AADAC: variants seen among roughly 807,000 people sequenced by gnomAD.
The protein encoded by AADAC is arylacetamide deacetylase (esterase).
Under a neutral mutation model 22.7 loss-of-function variants are expected in AADAC, and 17 were observed. The ratio of observed to expected loss-of-function variants is 0.75; its 90% confidence interval spans 0.51 to 1.12. The LOEUF is 1.12. Ranked by LOEUF, AADAC falls within the 50% of genes most tolerant of loss-of-function variation. The probability of loss-of-function intolerance (pLI) is 0.00; values close to 1 mark genes in which losing one functional copy is unlikely to be tolerated. For synonymous variants in AADAC, 167 were observed against 176.3 expected (o/e 0.95, Z 0.42); for missense variants, 465 against 473.9 (o/e 0.98, Z 0.17).
intron 1 of AADAC, among the ~76,000 whole-genome samples, chr3:151,815,471 A>G (rs1469121263): frequency 6.6e-6 from 1 of 152,012 alleles, no homozygotes; most frequent in African/African-American, 2.4e-5. Context: ...CACTGGTAGT[A>G]AGTTTTGATT....
intron 2 of AADAC, among the ~76,000 whole-genome samples, chr3:151,819,573 T>C (rs1168587350): frequency 2.6e-5 from 4 of 151,956 alleles, no homozygotes; most frequent in African/African-American, 7.2e-5. Context: ...TTCTTTTATT[T>C]TTGTGCAGGA....
chr3:151,825,902 G>A (rs1716472536), intron 4 of AADAC, among the ~76,000 whole-genome samples: 1 of 151,808 alleles, frequency 6.6e-6, no homozygotes, highest in Non-Finnish European at 1.5e-5. Flanking sequence ...TAATTCTTTG[G>A]ATAAATCATT....
In AADAC at chr3:151,828,260, C is replaced by G. The variant is rs1246527636; in HGVS notation, c.*88C>G. ...AGAAATTGGTCTTTCTTAGAATGGT[C>G]TAGTTAAGTTCCACATGTAGCATAA... On this transcript the variant is annotated 3_prime_UTR_variant, in exon 5 of 5. Coordinates refer to ENST00000232892, the MANE Select transcript of AADAC (RefSeq NM_001086.3). 1 of 756,400 alleles carries G rather than the reference C, an allele frequency of 1.3e-6. No individual in the cohort carries two copies. The allele number at this position is 756,400 out of a possible 1,614,324, so 46.9% of individuals were successfully genotyped here.
At chr3:151,823,057 A>T (rs919705611) in intron 3 of AADAC, among the ~76,000 whole-genome samples, 4 of 151,984 alleles carry the variant, frequency 2.6e-5, no homozygotes, top group African/African-American at 9.7e-5. Context: ...AGGCAGGTGG[A>T]TCATGAGATC....
At chr3:151,818,180 G>A (rs1440580733) in intron 2 of AADAC, among the ~76,000 whole-genome samples, 13 of 150,540 alleles carry the variant, frequency 8.6e-5, no homozygotes, top group Admixed American at 6.6e-5. Context: ...GGCGGAGGTC[G>A]CAGTGAGCCA....
rs757963796 is a variant in AADAC, at chr3:151,828,020, CTCATGTATGTCA to C, written c.1049_1060del (p.Leu350_Thr354delinsPro). 1 of 1,613,314 alleles carries C rather than the reference CTCATGTATGTCA, an allele frequency of 6.2e-7. No homozygotes were observed. The highest frequency in any genetic ancestry group is 8.5e-7 in the Non-Finnish European group (1 of 1,179,500). ...ATATGATCTCTTAAGAGATGATGGA[CTCATGTATGTCA>C]CCCGACTTCGCAACACTGGGGTTCA... On this transcript the variant is annotated inframe_deletion, in exon 5 of 5. Coordinates refer to ENST00000232892, the MANE Select transcript of AADAC (RefSeq NM_001086.3).
At position 151,824,686 on chromosome 3, in the gene AADAC, A is replaced by G; in HGVS notation, c.455A>G (p.His152Arg). The G allele has an allele frequency of 6.3e-7, 1 of 1,582,852 alleles. No individual in the cohort carries two copies. ...STNYRLAPKY[H>R]FPIQFEDVYN... ...AGCTACAGATTAGCACCTAAGTATC[A>G]TTTCCCAATTCAATTTGAAGATGTA... The change falls in exon 4 of 5, where the codon CAT (histidine) becomes CGT (arginine). Residue 152 changes from histidine (H) to arginine (R), a missense_variant. Coordinates refer to ENST00000232892, the MANE Select transcript of AADAC (RefSeq NM_001086.3).
chr3:151,815,070 C>CCA (rs1177452411), intron 1 of AADAC, among the ~76,000 whole-genome samples: 1 of 151,874 alleles, frequency 6.6e-6, no homozygotes, highest in Non-Finnish European at 1.5e-5. Flanking sequence ...TAGTCTATCC[C>CCA]CACACAGTTG....
chr3:151,827,451 G>A (rs1179558259), intron 4 of AADAC, 125 bp from the exon 5 acceptor site: 1 of 467,342 alleles, frequency 2.1e-6, no homozygotes, highest in Non-Finnish European at 3.3e-6. Context: ...TATTACTTAA[G>A]TCTTTTTGAG....
chr3:151,820,488 T>A, intron 3 of AADAC, 36 bp downstream of exon 3: 2 of 1,294,558 alleles, frequency 1.5e-6, no homozygotes, highest in South Asian at 1.5e-5. Flanking sequence ...TGGCCAGATG[T>A]CTGACATGCC....
intron 4 of AADAC, among the ~76,000 whole-genome samples, chr3:151,825,848 T>G (rs9868653): frequency 0.76 from 114,782 of 151,606 alleles, 43,813 homozygotes; most frequent in Middle Eastern, 0.84. Flanking sequence ...TCCCATGGAG[T>G]AGCAGTCAGG....
At chr3:151,827,489 A>C in intron 4 of AADAC, 87 bp from the exon 5 acceptor site, 1 of 849,044 alleles carries the variant, frequency 1.2e-6, no homozygotes, top group Non-Finnish European at 1.8e-6. Context: ...AGATAAAAAC[A>C]AGATAGATAG....
intron 2 of AADAC, among the ~76,000 whole-genome samples, chr3:151,818,544 C>G (rs988247484): frequency 6.6e-6 from 1 of 151,974 alleles, no homozygotes; most frequent in African/African-American, 2.4e-5. Flanking sequence ...AAGTGACATT[C>G]AGAAAACAGA....
Position 151,827,895 on chromosome 3 carries a change from C to T in AADAC, c.923C>T (p.Ala308Val), listed in dbSNP as rs1170940282. 1.9e-6 allele frequency: 3 copies of T among 1,611,202 alleles called. No homozygotes were observed. The highest frequency in any genetic ancestry group is 2.5e-6 in the Non-Finnish European group (3 of 1,178,876). ...NNPNYGSSEL[A>V]KKYPGFLDVR... ...CCAAATTATGGCAGTTCTGAGCTGG[C>T]TAAAAAATATCCAGGGTTCCTAGAT... is the stretch of plus-strand genomic sequence containing the variant. Residue 308 changes from alanine (A) to valine (V), a missense_variant, in exon 5 of 5, where the codon GCT (alanine) becomes GTT (valine). Ala to Val is a moderately conservative substitution (Grantham distance 64). Transcript: ENST00000232892.
intron 1 of AADAC, among the ~76,000 whole-genome samples, chr3:151,817,070 A>T (rs1716017117): frequency 6.6e-6 from 1 of 152,088 alleles, no homozygotes; most frequent in Admixed American, 6.6e-5. Context: ...AAAGCTTTCC[A>T]GCTAATCTTG....
At chr3:151,817,824 C>T (rs975494049) in intron 2 of AADAC, among the ~76,000 whole-genome samples, 9 of 151,980 alleles carry the variant, frequency 5.9e-5, no homozygotes, top group Admixed American at 5.2e-4. Flanking sequence ...CTATTTATCA[C>T]AATTACTCTA....
At chr3:151,820,480 G>A (rs758031179) in intron 3 of AADAC, 28 bp downstream of exon 3, 1 of 1,430,894 alleles carries the variant, frequency 7.0e-7, no homozygotes, top group Non-Finnish European at 9.4e-7. Flanking sequence ...TGGTTTCCTG[G>A]CCAGATGTCT....
rs543628988 is a variant in AADAC, at chr3:151,823,170, C to T, written c.432-1493C>T. On this transcript the variant is annotated intron_variant, in intron 3 of 4. Coordinates refer to ENST00000232892, the MANE Select transcript of AADAC (RefSeq NM_001086.3). Reference sequence around the variant, plus strand: ...GTGGGCACCTGTAATCCCAGCTACGCGGGAGGCTGAGGCAGGAGAATTGCT... The same window carrying T: ...GTGGGCACCTGTAATCCCAGCTACGTGGGAGGCTGAGGCAGGAGAATTGCT... 9.9e-4 allele frequency among the ~76,000 whole-genome samples: 150 copies of T among 151,532 alleles called. 2 individuals are homozygous for T. The highest frequency in any genetic ancestry group is 6.0e-4 in the Non-Finnish European group (41 of 67,792).
intron 4 of AADAC, 59 bp from the exon 5 acceptor site, chr3:151,827,517 T>A (rs1039066566): frequency 1.1e-5 from 11 of 965,020 alleles, no homozygotes; most frequent in Non-Finnish European, 1.7e-5. Context: ...GATAATCTTA[T>A]TAGGGATATT....
Sources: gnomAD v4.1 joint callset for allele counts (sites outside exome capture counted in the v4.1 genomes callset) on GRCh38, gnomAD v4.1.1 for gene constraint, MANE v1.5 for transcripts, NCBI Gene and HGNC (gene_info 2026-07-23, HGNC 2026-07-21) for gene names.